Variants in CRACD observed in about 807,000 individuals in gnomAD.
The protein encoded by CRACD is capping protein inhibiting regulator of actin dynamics.
CRACD carries 56 observed loss-of-function variants against 106.8 expected under a neutral mutation model. The ratio of observed to expected loss-of-function variants is 0.52; its 90% CI spans 0.42 to 0.66. The LOEUF is 0.66. Ranked by LOEUF, CRACD falls within the 30% of genes least tolerant of loss-of-function variation. CRACD has a pLI of 0.00. For synonymous variants in CRACD, 754 were observed against 670.8 expected (o/e 1.12, Z -1.92); for missense variants, 1,730 against 1,623.2 (o/e 1.07, Z -1.13).
intron 2 of CRACD, among the ~76,000 whole-genome samples, chr4:56,188,616 G>A (rs1423617611): frequency 8.4e-6 from 1 of 118,562 alleles, no homozygotes; most frequent in African/African-American, 3.4e-5. Flanking sequence ...ATTTGTATCT[G>A]TCTAGCCTCT....
chr4:56,310,992 T>C (rs918858370), intron 6 of CRACD: 1 of 459,658 alleles, frequency 2.2e-6, no homozygotes, highest in Non-Finnish European at 3.9e-6. Flanking sequence ...TCCTAGAAGT[T>C]GGTAGCTTTC....
chr4:56,136,694 C>T (rs769255337), intron 1 of CRACD, among the ~76,000 whole-genome samples: 19 of 152,112 alleles, frequency 1.2e-4, no homozygotes, highest in Admixed American at 1.1e-3. Context: ...TATTTTCTCC[C>T]ACCTTCTGGC....
intron 1 of CRACD, among the ~76,000 whole-genome samples, chr4:56,116,633 T>TA (rs1734292925): frequency 6.6e-6 from 1 of 152,234 alleles, no homozygotes; most frequent in Non-Finnish European, 1.5e-5. Context: ...TAAGTAAACT[T>TA]ACGCATTTTA....
intron 1 of CRACD, among the ~76,000 whole-genome samples, chr4:56,087,332 T>C (rs1420152406): frequency 6.6e-6 from 1 of 152,194 alleles, no homozygotes; most frequent in African/African-American, 2.4e-5. Flanking sequence ...TACTAGTGAT[T>C]TGGCATTGAG....
At chr4:56,194,053 A>G (rs1001802564) in intron 2 of CRACD, among the ~76,000 whole-genome samples, 9 of 152,220 alleles carry the variant, frequency 5.9e-5, no homozygotes, top group African/African-American at 2.2e-4. Context: ...ATTCTTTTAC[A>G]TAGTGAACTA....
At chr4:56,064,089 T>G (rs1732377746) in intron 1 of CRACD, among the ~76,000 whole-genome samples, 1 of 152,218 alleles carries the variant, frequency 6.6e-6, no homozygotes, top group Admixed American at 6.5e-5. Flanking sequence ...TGCAGTTCCC[T>G]GATGACTAAT....
chr4:56,259,779 G>C (rs904834695), intron 2 of CRACD, among the ~76,000 whole-genome samples: 1 of 152,134 alleles, frequency 6.6e-6, no homozygotes, highest in African/African-American at 2.4e-5. Flanking sequence ...GGCAAAGCAG[G>C]GGGTTGCTGG....
At chr4:56,157,592 G>C (rs145209179) in intron 1 of CRACD, among the ~76,000 whole-genome samples, 1,958 of 152,208 alleles carry the variant, frequency 0.013, 17 homozygotes, top group Admixed American at 0.041. Flanking sequence ...GTTGCCTAAA[G>C]AATCACCTTC....
At chr4:56,246,120 G>A (rs1437245355) in intron 2 of CRACD, among the ~76,000 whole-genome samples, 1 of 152,134 alleles carries the variant, frequency 6.6e-6, no homozygotes, top group Non-Finnish European at 1.5e-5. Flanking sequence ...CTCTCAGCCA[G>A]CTCTCATGAT....
chr4:56,054,512 G>A (rs982267922), intron 1 of CRACD, among the ~76,000 whole-genome samples: 5 of 152,170 alleles, frequency 3.3e-5, no homozygotes, highest in Admixed American at 2.6e-4. Flanking sequence ...AATTCATAGA[G>A]ATAAGAACGA....
intron 3 of CRACD, among the ~76,000 whole-genome samples, chr4:56,295,241 G>A (rs1160454955): frequency 6.6e-6 from 1 of 151,976 alleles, no homozygotes; most frequent in Non-Finnish European, 1.5e-5. Context: ...CTTACTAACA[G>A]TGCCTACCAC....
At chr4:56,237,088 T>A (rs1174131206) in intron 2 of CRACD, among the ~76,000 whole-genome samples, 1 of 152,176 alleles carries the variant, frequency 6.6e-6, no homozygotes, top group Non-Finnish European at 1.5e-5. Flanking sequence ...TGTATGAACA[T>A]CTTTATTTAT....
intron 4 of CRACD, chr4:56,301,341 C>T (rs58767323): frequency 1.2e-6 from 1 of 828,988 alleles, no homozygotes; most frequent in East Asian, 6.4e-5. Context: ...GCTTAGTAAG[C>T]AGCCTAAGAG....
chr4:56,299,589 G>A (rs1744247205), intron 4 of CRACD, among the ~76,000 whole-genome samples: 1 of 151,820 alleles, frequency 6.6e-6, no homozygotes, highest in African/African-American at 2.4e-5. Context: ...AGGATGGCTT[G>A]AGCCCAGGAA....
At chr4:56,189,183 C>CAA (rs538002429) in intron 2 of CRACD, among the ~76,000 whole-genome samples, 32 of 127,732 alleles carry the variant, frequency 2.5e-4, no homozygotes, top group Admixed American at 3.9e-4. Context: ...GCCACTGTCT[C>CAA]AAAAAAAAAA....
intron 1 of CRACD, among the ~76,000 whole-genome samples, chr4:56,126,905 G>A (rs774947028): frequency 3.9e-5 from 6 of 152,116 alleles, no homozygotes; most frequent in African/African-American, 7.2e-5. Context: ...GTTACTGTTT[G>A]TTTGTTTTCT....
intron 1 of CRACD, among the ~76,000 whole-genome samples, chr4:56,092,538 A>C (rs559904803): frequency 7.0e-4 from 106 of 152,294 alleles, no homozygotes; most frequent in African/African-American, 2.5e-3. Context: ...TTTTGGGTAC[A>C]TTGGTTATAT....
intron 2 of CRACD, among the ~76,000 whole-genome samples, chr4:56,186,035 C>T (rs144623684): frequency 4.6e-5 from 7 of 152,258 alleles, no homozygotes; most frequent in Non-Finnish European, 8.8e-5. Flanking sequence ...GAGGCTGCTC[C>T]GGGAGGGCTC....
At chr4:56,269,963 CT>C (rs1377102928) in intron 2 of CRACD, among the ~76,000 whole-genome samples, 1 of 152,178 alleles carries the variant, frequency 6.6e-6, no homozygotes, top group Non-Finnish European at 1.5e-5. Flanking sequence ...AATAATTTAA[CT>C]CTTTTTTGTA....
Sources: gnomAD v4.1 joint callset for allele counts (sites outside exome capture counted in the v4.1 genomes callset) on GRCh38, gnomAD v4.1.1 for gene constraint, MANE v1.5 for transcripts, NCBI Gene and HGNC (gene_info 2026-07-23, HGNC 2026-07-21) for gene names.